MSRA: variants seen among roughly 807,000 people sequenced by gnomAD.
The protein encoded by MSRA is mitochondrial peptide methionine sulfoxide reductase.
A neutral mutation model predicts 31.3 loss-of-function variants in MSRA; 54 were observed. The observed-to-expected ratio is 1.73, with a 90% confidence interval of 1.39 to 2.17. The LOEUF is 2.17. MSRA is among the 30% of genes most tolerant of loss of function. The probability of loss-of-function intolerance (pLI) is 0.00; values close to 1 mark genes in which losing one functional copy is unlikely to be tolerated. For missense variants in MSRA, 507 were observed against 300.9 expected, an observed-to-expected ratio of 1.69 and a Z score of -5.07; for synonymous variants, 169 against 116.5, an observed-to-expected ratio of 1.45 and a Z score of -2.90.
chr8:10,126,553 C>T (rs183164750), intron 1 of MSRA, among the ~76,000 whole-genome samples: 3 of 152,224 alleles, frequency 2.0e-5, no homozygotes, highest in Non-Finnish European at 4.4e-5. Flanking sequence ...TCTTCTGTCG[C>T]CCAGGCTAGA....
intron 5 of MSRA, among the ~76,000 whole-genome samples, chr8:10,385,508 G>C (rs1806331209): frequency 6.6e-6 from 1 of 152,174 alleles, no homozygotes; most frequent in Admixed American, 6.5e-5. Flanking sequence ...AGATGGGACA[G>C]GATGGGTTTG....
At chr8:10,095,698 A>T in intron 1 of MSRA, 5 of 1,036,720 alleles carry the variant, frequency 4.8e-6, no homozygotes, top group Non-Finnish European at 5.8e-6. Flanking sequence ...GTCCTGGGGT[A>T]CAGAAAAACT....
rs539903842 is a variant in MSRA at position 10,096,385 on chromosome 8, G to A, written c.142+41727G>A. ...CCATTTTTGGGAGGTGGGTGGGGAG[G>A]TGTCTATGTCTAAGAGATGTATGCG... is the stretch of plus-strand genomic sequence containing the variant. On this transcript the variant is annotated intron_variant, in intron 1 of 5. Transcript: ENST00000317173. 12 of 786,074 alleles carry A rather than the reference G, an allele frequency of 1.5e-5. No homozygotes were observed. In the South Asian group the frequency reaches 5.9e-4, roughly 38 times the overall value. 48.7% of individuals were successfully genotyped at this position (786,074 alleles called of 1,614,324 possible). A position where few individuals can be genotyped will look rare whatever the true frequency, so the allele number is the denominator to read the frequency against.
At chr8:10,287,502 C>A (rs1241508655) in intron 3 of MSRA, among the ~76,000 whole-genome samples, 1 of 152,138 alleles carries the variant, frequency 6.6e-6, no homozygotes, top group Non-Finnish European at 1.5e-5. Flanking sequence ...AGGAAAAGTC[C>A]AGTGCAGAGT....
intron 5 of MSRA, among the ~76,000 whole-genome samples, chr8:10,405,490 A>C (rs943437883): frequency 6.6e-6 from 1 of 152,174 alleles, no homozygotes; most frequent in Admixed American, 6.5e-5. Flanking sequence ...ATAAAATGTG[A>C]GTTACATGCC....
intron 1 of MSRA, among the ~76,000 whole-genome samples, chr8:10,087,583 T>C (rs527501625): frequency 3.0e-4 from 46 of 152,334 alleles, no homozygotes; most frequent in African/African-American, 1.0e-3. Flanking sequence ...AGGGAAATGG[T>C]CCATAACTCA....
rs1563428508 is a variant in MSRA at position 10,392,926 on chromosome 8, A to G, written c.544-35222A>G. Among the ~76,000 whole-genome samples, 4 of 148,906 alleles carry G rather than the reference A, an allele frequency of 2.7e-5. No individual in the cohort carries two copies. In the South Asian group the frequency reaches 6.4e-4, roughly 24 times the overall value. On this transcript the variant is annotated intron_variant, in intron 5 of 5. Transcript: ENST00000317173. ...AAAAAAAAAAAATTAGCCGGCAGTA[A>G]TGGCGGGCGCCTATAGTCCCAGCTA...
chr8:10,166,909 G>C (rs1805180143), intron 1 of MSRA, among the ~76,000 whole-genome samples: 1 of 152,112 alleles, frequency 6.6e-6, no homozygotes, highest in Non-Finnish European at 1.5e-5. Context: ...CAGGCCCTCT[G>C]CTCGGGAGCC....
At chr8:10,083,692 T>C (rs919113967) in intron 1 of MSRA, among the ~76,000 whole-genome samples, 3 of 152,324 alleles carry the variant, frequency 2.0e-5, no homozygotes, top group East Asian at 1.9e-4. Flanking sequence ...GGTTTTTTTT[T>C]CCTTATTCTG....
At chr8:10,215,117 G>A (rs914342288) in intron 2 of MSRA, among the ~76,000 whole-genome samples, 1 of 152,148 alleles carries the variant, frequency 6.6e-6, no homozygotes, top group Non-Finnish European at 1.5e-5. Context: ...GTAAGTTAGA[G>A]AATGTTTCAT....
intron 5 of MSRA, among the ~76,000 whole-genome samples, chr8:10,372,391 C>T (rs1405818206): frequency 6.6e-6 from 1 of 152,220 alleles, no homozygotes; most frequent in African/African-American, 2.4e-5. Flanking sequence ...ATTCCTTCTG[C>T]ATGTGAAGCG....
intron 5 of MSRA, among the ~76,000 whole-genome samples, chr8:10,395,698 A>G (rs1441034534): frequency 6.6e-6 from 1 of 152,120 alleles, no homozygotes; most frequent in African/African-American, 2.4e-5. Flanking sequence ...ACATCCATTG[A>G]CCCTGGGTTC....
chr8:10,321,436 T>C (rs1049487044), intron 5 of MSRA, among the ~76,000 whole-genome samples: 11 of 152,160 alleles, frequency 7.2e-5, no homozygotes, highest in African/African-American at 2.6e-4. Flanking sequence ...CGGAGAGGCC[T>C]GAGGGAGGCG....
At chr8:10,129,010 C>T (rs1291091735) in intron 1 of MSRA, among the ~76,000 whole-genome samples, 1 of 152,206 alleles carries the variant, frequency 6.6e-6, no homozygotes, top group African/African-American at 2.4e-5. Flanking sequence ...TCTTAATTTT[C>T]TCACGAGTTT....
At position 10,318,990 on chromosome 8, in the gene MSRA, C is replaced by G. The variant is rs186941999; in HGVS notation, c.437-893C>G. ...CCTTGGCGCCCACCTGCTGCCAAGA[C>G]AAGTCACTTCCTTGATCCAGCCTTT... is the stretch of plus-strand genomic sequence containing the variant. On this transcript the variant is annotated intron_variant, in intron 4 of 5. Transcript: ENST00000317173. 3.2e-3 allele frequency among the ~76,000 whole-genome samples: 485 copies of G among 152,320 alleles called. 1 individual carries two copies. The highest frequency in any genetic ancestry group is 5.1e-3 in the Non-Finnish European group (344 of 68,026).
At chr8:10,141,250 G>A (rs184746038) in intron 1 of MSRA, among the ~76,000 whole-genome samples, 18 of 152,198 alleles carry the variant, frequency 1.2e-4, no homozygotes, top group Admixed American at 1.1e-3. Flanking sequence ...CGCCCCTCAC[G>A]CCTTATAATC....
chr8:10,106,959 C>A (rs373457956), intron 1 of MSRA, among the ~76,000 whole-genome samples: 1 of 152,050 alleles, frequency 6.6e-6, no homozygotes, highest in East Asian at 1.9e-4. Flanking sequence ...ACCTACGCAA[C>A]CATCTACCCC....
intron 1 of MSRA, among the ~76,000 whole-genome samples, chr8:10,165,339 T>C (rs1357815510): frequency 1.3e-5 from 2 of 151,502 alleles, no homozygotes; most frequent in East Asian, 3.9e-4. Flanking sequence ...CTTCTATTCT[T>C]TTTTTAAAAA....
rs1485801553 is a variant in MSRA, at chr8:10,359,739, G to A, written c.543+39750G>A. Among the ~76,000 whole-genome samples the A allele has an allele frequency of 9.9e-5, 15 of 152,034 alleles. No homozygotes were observed. The East Asian group carries it at 1.7e-3, about 18-fold the overall frequency. ...TGGAGGATGGTCTCAGATGGAGGAC[G>A]ATCTCAGATGGAGGATGGTCTCAGA... is the stretch of plus-strand genomic sequence containing the variant. On this transcript the variant is annotated intron_variant, in intron 5 of 5. Transcript: ENST00000317173.
Sources: gnomAD v4.1 joint callset for allele counts (sites outside exome capture counted in the v4.1 genomes callset) on GRCh38, gnomAD v4.1.1 for gene constraint, MANE v1.5 for transcripts, NCBI Gene and HGNC (gene_info 2026-07-23, HGNC 2026-07-21) for gene names.